Variants in DACH2 observed in about 807,000 individuals in gnomAD.
The protein encoded by DACH2 is dachshund homolog 2.
In DACH2, 17 loss-of-function variants were observed where a neutral mutation model predicts 35.8. The observed-to-expected ratio is 0.48, with a 90% CI of 0.33 to 0.71. The LOEUF (loss-of-function observed/expected upper bound fraction) is 0.71. Ranked by LOEUF, DACH2 falls within the 30% of genes least tolerant of loss-of-function variation. The pLI, the probability that DACH2 is intolerant of heterozygous loss-of-function variation, is 0.02. For synonymous variants in DACH2, 195 were observed against 177.3 expected (o/e 1.10, Z -0.79); for missense variants, 469 against 472.7 (o/e 0.99, Z 0.07).
intron 7 of DACH2, among the ~76,000 whole-genome samples, chrX:86,795,265 G>T (rs751806843): frequency 5.9e-4 from 56 of 94,771 alleles, no homozygotes; most frequent in African/African-American, 2.1e-3. Flanking sequence ...CAGAATCTTC[G>T]CTCTGTCACC....
chrX:86,373,108 T>C (rs756891109), intron 1 of DACH2, among the ~76,000 whole-genome samples: 1 of 111,302 alleles, frequency 9.0e-6, no homozygotes, highest in African/African-American at 3.3e-5. Flanking sequence ...ATGTCTTTGC[T>C]ATTATGAGTA....
intron 4 of DACH2, among the ~76,000 whole-genome samples, chrX:86,673,410 G>T (rs1439474402): frequency 9.1e-6 from 1 of 109,499 alleles, no homozygotes; most frequent in Non-Finnish European, 1.9e-5. Context: ...TCCCTGCTGG[G>T]TTTCAGACTT....
At chrX:86,339,094 A>G (rs2035369679) in intron 1 of DACH2, among the ~76,000 whole-genome samples, 1 of 112,010 alleles carries the variant, frequency 8.9e-6, no homozygotes, top group African/African-American at 3.2e-5. Flanking sequence ...AACCAAAAAC[A>G]GTCCAGGACC....
chrX:86,216,102 C>G (rs2032564577), intron 1 of DACH2, among the ~76,000 whole-genome samples: 1 of 112,001 alleles, frequency 8.9e-6, no homozygotes, highest in Admixed American at 9.5e-5. Context: ...CCTTTAAATA[C>G]ATTATTGATC....
At chrX:86,399,644 T>A (rs1385432574) in intron 2 of DACH2, among the ~76,000 whole-genome samples, 1 of 110,985 alleles carries the variant, frequency 9.0e-6, no homozygotes, top group Non-Finnish European at 1.9e-5. Flanking sequence ...TTATGAAGCT[T>A]CGTTTGGCTG....
intron 3 of DACH2, among the ~76,000 whole-genome samples, chrX:86,615,465 G>A (rs2039991702): frequency 9.0e-6 from 1 of 111,291 alleles, no homozygotes; most frequent in African/African-American, 3.3e-5. Context: ...GGCAGAACTG[G>A]ACTTCATAGT....
At chrX:86,816,262 G>T (rs920982224) in intron 11 of DACH2, among the ~76,000 whole-genome samples, 163 bp downstream of exon 11, 1 of 111,275 alleles carries the variant, frequency 9.0e-6, no homozygotes, top group African/African-American at 3.3e-5. Context: ...GCAATTTGCA[G>T]TTTTTTGAGA....
At chrX:86,198,000 C>G (rs773206615) in intron 1 of DACH2, among the ~76,000 whole-genome samples, 8 of 111,863 alleles carry the variant, frequency 7.2e-5, no homozygotes, top group Non-Finnish European at 1.3e-4. Flanking sequence ...TAAAATTGAT[C>G]ACGTGATTAG....
At chrX:86,273,001 G>C (rs770364711) in intron 1 of DACH2, among the ~76,000 whole-genome samples, 108 of 111,325 alleles carry the variant, frequency 9.7e-4, no homozygotes, top group African/African-American at 2.9e-3. Flanking sequence ...TTCTTCCCAA[G>C]TTGTTTCCTT....
chrX:86,291,493 G>T (rs1379324057), intron 1 of DACH2, among the ~76,000 whole-genome samples: 2 of 105,226 alleles, frequency 1.9e-5, no homozygotes, highest in East Asian at 6.1e-4. Context: ...GGGCATCCCT[G>T]TCTTGTGCCA....
chrX:86,514,304 C>T lies in DACH2; in HGVS notation c.553C>T (p.Arg185Cys), dbSNP rs748018424. Residue 185 changes from arginine (R) to cysteine (C), a missense_variant, in exon 3 of 12, where the codon CGT (arginine) becomes TGT (cysteine). Arg to Cys is a radical substitution (Grantham distance 180, BLOSUM62 -3). Coordinates refer to ENST00000373125, the MANE Select transcript of DACH2 (RefSeq NM_053281.3). Reference protein sequence around the residue: ...NSSRPGRPPKRSLGVLQENAR... With the variant: ...NSSRPGRPPKCSLGVLQENAR... ...TTCAAGACCCGGCAGGCCCCCTAAG[C>T]GTTCTTTGGGAGTGTTGCAGGAAAA... The T allele has an allele frequency of 9.9e-6, 12 of 1,209,165 alleles. No homozygotes were observed. In the African/African-American group the frequency reaches 1.2e-4, roughly 12 times the overall value.
At chrX:86,487,398 G>A in intron 2 of DACH2, among the ~76,000 whole-genome samples, 1 of 111,918 alleles carries the variant, frequency 8.9e-6, no homozygotes, top group Non-Finnish European at 1.9e-5. Context: ...AACGGTGGTA[G>A]GCTTAAAGAT....
chrX:86,430,066 G>A (rs1456428213), intron 2 of DACH2, among the ~76,000 whole-genome samples: 2 of 112,292 alleles, frequency 1.8e-5, no homozygotes, highest in Non-Finnish European at 3.8e-5. Context: ...CAAATTCTGT[G>A]CAATTGATAT....
intron 1 of DACH2, among the ~76,000 whole-genome samples, chrX:86,205,490 CTCCTTCCTTCCTTCCT>C (rs1199616660): frequency 5.1e-4 from 12 of 23,337 alleles, no homozygotes; most frequent in East Asian, 1.0e-3. Flanking sequence ...CCCTCCTTCC[CTCCTTCCTTCCTTCCT>C]TCCTTCCTTC....
chrX:86,380,823 A>T (rs1255311743), intron 2 of DACH2, among the ~76,000 whole-genome samples: 3 of 109,884 alleles, frequency 2.7e-5, no homozygotes, highest in Non-Finnish European at 5.7e-5. Flanking sequence ...GTGTTTTTTT[A>T]ATTTTTTGTT....
At chrX:86,787,493 C>T (rs1480353998) in intron 7 of DACH2, among the ~76,000 whole-genome samples, 1 of 110,071 alleles carries the variant, frequency 9.1e-6, no homozygotes, top group Non-Finnish European at 1.9e-5. Flanking sequence ...TGGCATGCAC[C>T]TGCAATTCTA....
chrX:86,791,117 G>A (rs1465984219), intron 7 of DACH2, among the ~76,000 whole-genome samples: 1 of 111,289 alleles, frequency 9.0e-6, no homozygotes, highest in Non-Finnish European at 1.9e-5. Context: ...TGAGAAGGAG[G>A]AAGAGGACTG....
intron 6 of DACH2, among the ~76,000 whole-genome samples, chrX:86,727,540 A>G (rs898587082): frequency 9.0e-6 from 1 of 111,098 alleles, no homozygotes; most frequent in Non-Finnish European, 1.9e-5. Flanking sequence ...ACAATGTTGG[A>G]GCCAGGGCCT....
chrX:86,148,943 CTG>C lies in DACH2; in HGVS notation c.327_328del (p.Tyr110HisfsTer16), dbSNP rs1165874298. 1 of 1,211,206 alleles carries C rather than the reference CTG, an allele frequency of 8.3e-7. No homozygotes were observed. The highest frequency in any genetic ancestry group is 2.2e-5 in the Admixed American group (1 of 45,954). On this transcript the variant is annotated frameshift_variant, in exon 1 of 12. Coordinates refer to ENST00000373125, the MANE Select transcript of DACH2 (RefSeq NM_053281.3). LOFTEE classifies it high-confidence loss of function. ...AAGCACCTGGTGGGAGGCTTGCACACTGTGTACACCAAGCTGAAGAGACTGGA... is the reference window on the plus strand; with the variant it reads ...AAGCACCTGGTGGGAGGCTTGCACACTGTACACCAAGCTGAAGAGACTGGA...
Sources: allele counts gnomAD v4.1 joint callset (sites outside exome capture counted in the v4.1 genomes callset), GRCh38; gene constraint gnomAD v4.1.1; transcripts MANE v1.5; gene names NCBI Gene and HGNC (gene_info 2026-07-23, HGNC 2026-07-21).